Variants in DDX24 observed in about 807,000 individuals in gnomAD.
DDX24 encodes the protein DEAD-box helicase 24.
In DDX24, 24 loss-of-function variants were observed where a neutral mutation model predicts 68.9. That is an observed-to-expected ratio of 0.35 (90% CI 0.25 to 0.49). DDX24 has a LOEUF of 0.49. Among genes scored for constraint, DDX24 ranks in the 20% least tolerant of loss-of-function variants. The pLI, the probability that DDX24 is intolerant of heterozygous loss-of-function variation, is 0.99. For missense variants in DDX24, 989 were observed against 1,039.0 expected (o/e 0.95, Z 0.66); for synonymous variants, 395 against 385.2 (o/e 1.03, Z -0.30).
intron 6 of DDX24, chr14:94,056,686 T>A (rs1471858171): frequency 1.3e-5 from 2 of 152,198 alleles, no homozygotes; most frequent in South Asian, 4.1e-4. Context: ...TTGAAGCTGG[T>A]TGGTCAGAAG....
chr14:94,077,228 C>T (rs1391432969), intron 2 of DDX24, among the ~76,000 whole-genome samples: 1 of 152,174 alleles, frequency 6.6e-6, no homozygotes, highest in African/African-American at 2.4e-5. Context: ...CCCTAATCCC[C>T]ACATTAAGGG....
intron 2 of DDX24, among the ~76,000 whole-genome samples, chr14:94,076,680 CA>C (rs35863241): frequency 1.0e-3 from 100 of 100,180 alleles, no homozygotes; most frequent in African/African-American, 1.3e-3. Context: ...GACTCCGTCT[CA>C]AAAAAAAAAA....
At chr14:94,052,719 T>C (rs951621538) in intron 8 of DDX24, among the ~76,000 whole-genome samples, 2 of 152,212 alleles carry the variant, frequency 1.3e-5, no homozygotes, top group African/African-American at 4.8e-5. Flanking sequence ...GCCGGCATTC[T>C]AACACAGGCA....
At chr14:94,061,168 C>T (rs569990999) in intron 3 of DDX24, 102 bp from the exon 4 acceptor site, 1 of 1,344,182 alleles carries the variant, frequency 7.4e-7, no homozygotes. Flanking sequence ...GACATCAGCA[C>T]AGTGTAATGC....
chr14:94,073,687 CTGAT>C (rs1170132378), intron 2 of DDX24, among the ~76,000 whole-genome samples: 1 of 151,964 alleles, frequency 6.6e-6, no homozygotes, highest in Admixed American at 6.5e-5. Flanking sequence ...TTCACATAAA[CTGAT>C]TGTCAGAATA....
rs947595552 is a variant in DDX24 at position 94,048,619 on chromosome 14, C to T, written c.*2572G>A. The T allele has an allele frequency of 3.3e-5, 5 of 152,234 alleles. No individual in the cohort carries two copies. Among genetic ancestry groups the T allele is most frequent in the African/African-American group, 9.6e-5 (4 of 41,452 alleles). 9.4% of individuals were successfully genotyped at this position (152,234 alleles called of 1,614,324 possible). A position where few individuals can be genotyped will look rare whatever the true frequency, so the allele number is the denominator to read the frequency against. On this transcript the variant is annotated 3_prime_UTR_variant, in exon 9 of 9. Transcript: ENST00000621632. Reference sequence around the variant, plus strand: ...TAGCTATTATACCTGACACACTCATCGTATGGGCTCTGCAAAGGGATATTC... The same window carrying T: ...TAGCTATTATACCTGACACACTCATTGTATGGGCTCTGCAAAGGGATATTC...
At position 94,061,026 on chromosome 14, in the gene DDX24, C is replaced by T. The variant is rs1037052745; in HGVS notation, c.1284G>A (p.Gln428=). The change falls in exon 4 of 9, where the codon CAG becomes CAA. Residue 428 remains glutamine, a synonymous_variant. Coordinates refer to ENST00000621632, the MANE Select transcript of DDX24 (RefSeq NM_020414.4). ...TAILVGGMST[Q]KQQRMLNRRP... ...GACGGTTCAGCATCCTCTGCTGTTT[C>T]TGCGTGGACATTCCACCAACCAAAA... The T allele has an allele frequency of 6.2e-7, 1 of 1,614,108 alleles. No homozygotes were observed. Among genetic ancestry groups the T allele is most frequent in the Admixed American group, 1.7e-5 (1 of 60,014 alleles).
chr14:94,069,250 A>T (rs1885779243), intron 2 of DDX24, among the ~76,000 whole-genome samples: 1 of 152,196 alleles, frequency 6.6e-6, no homozygotes, highest in African/African-American at 2.4e-5. Context: ...TTACACAGAT[A>T]AACTAGGAAA....
intron 2 of DDX24, among the ~76,000 whole-genome samples, chr14:94,063,038 T>C (rs1192693259): frequency 6.6e-6 from 1 of 152,204 alleles, no homozygotes; most frequent in Admixed American, 6.5e-5. Context: ...TATAAAACTT[T>C]TGTCTATGCC....
intron 2 of DDX24, among the ~76,000 whole-genome samples, chr14:94,069,948 C>G (rs1885794426): frequency 6.6e-6 from 1 of 152,124 alleles, no homozygotes; most frequent in Non-Finnish European, 1.5e-5. Context: ...AGAACTGGAA[C>G]AAGACAAGGA....
At position 94,054,956 on chromosome 14, in the gene DDX24, C is replaced by A. The variant is rs773569738; in HGVS notation, c.2178+40G>T. The stretch of plus-strand genomic sequence containing the variant: ...CAAGGTGCTCTGCAAGGGAGCAGCA[C>A]AATCCCTTCATTAGCACTGGGGTTT... On this transcript the variant is annotated intron_variant, in intron 7 of 8. Coordinates refer to ENST00000621632, the MANE Select transcript of DDX24 (RefSeq NM_020414.4). 8.1e-6 allele frequency: 13 copies of A among 1,598,814 alleles called. No homozygotes were observed. In the South Asian group the frequency reaches 1.0e-4, roughly 12 times the overall value.
chr14:94,071,982 AG>A (rs1885841624), intron 2 of DDX24, among the ~76,000 whole-genome samples: 1 of 152,182 alleles, frequency 6.6e-6, no homozygotes, highest in African/African-American at 2.4e-5. Context: ...GTGGTGAACA[AG>A]GAACACTTCT....
chr14:94,065,405 A>ACACACAC (rs1567060057), intron 2 of DDX24, among the ~76,000 whole-genome samples: 1 of 151,896 alleles, frequency 6.6e-6, no homozygotes, highest in Non-Finnish European at 1.5e-5. Flanking sequence ...ACACACACAC[A>ACACACAC]AATTCAGTGC....
intron 1 of DDX24, 73 bp from the exon 2 acceptor site, chr14:94,079,820 T>G (rs1046166993): frequency 7.3e-7 from 1 of 1,378,640 alleles, no homozygotes; most frequent in Middle Eastern, 1.9e-4. Context: ...AAATATTTTC[T>G]AAGCAACTAG....
intron 2 of DDX24, among the ~76,000 whole-genome samples, chr14:94,070,269 GC>G (rs1393696282): frequency 2.7e-5 from 4 of 148,944 alleles, no homozygotes; most frequent in Non-Finnish European, 4.5e-5. Flanking sequence ...TAAAATGGTT[GC>G]AAAAAAAAAA....
At chr14:94,054,751 A>G (rs1014177479) in intron 7 of DDX24, among the ~76,000 whole-genome samples, 8 of 152,036 alleles carry the variant, frequency 5.3e-5, no homozygotes, top group Non-Finnish European at 4.4e-5. Context: ...AGGAGGGGGG[A>G]CTTCAGGGCC....
chr14:94,051,632 C>T (rs1885390261), intron 8 of DDX24, 170 bp from the exon 9 acceptor site: 2 of 746,316 alleles, frequency 2.7e-6, no homozygotes, highest in Non-Finnish European at 4.2e-6. Flanking sequence ...AAATGGATAA[C>T]GTCTAACCAT....
intron 8 of DDX24, 145 bp from the exon 9 acceptor site, chr14:94,051,607 C>T: frequency 9.3e-7 from 1 of 1,070,940 alleles, no homozygotes; most frequent in Non-Finnish European, 1.3e-6. Context: ...CTAGTGGTGG[C>T]TTGGCAGGGG....
chr14:94,075,444 T>C (rs1199099141), intron 2 of DDX24, among the ~76,000 whole-genome samples: 1 of 152,196 alleles, frequency 6.6e-6, no homozygotes, highest in East Asian at 1.9e-4. Flanking sequence ...TAATTAGCCA[T>C]ATGCAGAAAA....
Sources: gnomAD v4.1 joint callset for allele counts (sites outside exome capture counted in the v4.1 genomes callset) on GRCh38, gnomAD v4.1.1 for gene constraint, MANE v1.5 for transcripts, NCBI Gene and HGNC (gene_info 2026-07-23, HGNC 2026-07-21) for gene names.